PGM2: variants seen among roughly 807,000 people sequenced by gnomAD.
PGM2 encodes phosphoglucomutase 2.
In PGM2, 57 loss-of-function variants were observed where a neutral mutation model predicts 74.6. The observed-to-expected ratio is 0.76, with a 90% CI of 0.62 to 0.95. The LOEUF (loss-of-function observed/expected upper bound fraction) is 0.95, where lower values mean the gene tolerates loss of function less well. Ranked by LOEUF, PGM2 falls within the 40% of genes least tolerant of loss-of-function variation. The pLI, the probability that PGM2 is intolerant of heterozygous loss-of-function variation, is 0.00. For missense variants in PGM2, 706 were observed against 741.9 expected (o/e 0.95, Z 0.56); for synonymous variants, 273 against 260.7 (o/e 1.05, Z -0.46).
chr4:37,855,190 C>T (rs1330708062), intron 12 of PGM2, among the ~76,000 whole-genome samples: 4 of 152,076 alleles, frequency 2.6e-5, no homozygotes, highest in Non-Finnish European at 4.4e-5. Context: ...AAACTCCCCT[C>T]CCTTATCCCC....
At chr4:37,834,167 A>G (rs536057862) in intron 2 of PGM2, among the ~76,000 whole-genome samples, 4 of 152,092 alleles carry the variant, frequency 2.6e-5, no homozygotes, top group African/African-American at 7.2e-5. Context: ...CCCTGTCTCT[A>G]CAAAAAATTT....
intron 1 of PGM2, among the ~76,000 whole-genome samples, 166 bp downstream of exon 1, chr4:37,826,979 C>T (rs979409787): frequency 1.5e-4 from 23 of 152,276 alleles, no homozygotes; most frequent in African/African-American, 5.3e-4. Context: ...CTTCCTTCGA[C>T]CTGGCCGGCA....
rs1711819267 is a variant in PGM2, at chr4:37,862,698, C to T, written c.*1086C>T. On this transcript the variant is annotated 3_prime_UTR_variant, in exon 14 of 14. Coordinates refer to ENST00000381967, the MANE Select transcript of PGM2 (RefSeq NM_018290.4). ...AAGCAAATGATTGCCATTATGATTA[C>T]ACTCAACCTAAATAGTTATGAACAG... 6.6e-6 allele frequency: 1 copy of T among 152,012 alleles called. No individual in the cohort carries two copies. The highest frequency in any genetic ancestry group is 6.6e-5 in the Admixed American group (1 of 15,224). 9.4% of individuals were successfully genotyped at this position (152,012 alleles called of 1,614,324 possible).
chr4:37,841,852 G>A (rs1433634689), intron 6 of PGM2, among the ~76,000 whole-genome samples: 3 of 152,346 alleles, frequency 2.0e-5, no homozygotes, highest in South Asian at 2.1e-4. Flanking sequence ...GTGCATGCAC[G>A]TGCATGTGTG....
At position 37,855,540 on chromosome 4, in the gene PGM2, G is replaced by A. The variant is rs1007354196; in HGVS notation, c.1603-68G>A. The A allele has an allele frequency of 3.2e-5, 44 of 1,360,534 alleles. No individual in the cohort carries two copies. In the African/African-American group the frequency reaches 5.5e-4, roughly 17 times the overall value. The allele number at this position is 1,360,534 out of a possible 1,614,324, so 84.3% of individuals were successfully genotyped here. A position where few individuals can be genotyped will look rare whatever the true frequency, so the allele number is the denominator to read the frequency against. On this transcript the variant is annotated intron_variant, in intron 12 of 13. Transcript: ENST00000381967. The stretch of plus-strand genomic sequence containing the variant: ...GTTTGGCATTTATTTTCTTACTTAT[G>A]CAAGAGAAGATATTGGTTAGGCCAG...
chr4:37,833,121 A>G (rs562882456), intron 2 of PGM2, among the ~76,000 whole-genome samples: 1 of 152,298 alleles, frequency 6.6e-6, no homozygotes, highest in South Asian at 2.1e-4. Flanking sequence ...CACAAAACCA[A>G]TACACATGGC....
intron 1 of PGM2, 62 bp downstream of exon 1, chr4:37,826,875 G>A: frequency 1.9e-6 from 2 of 1,046,932 alleles, no homozygotes; most frequent in East Asian, 5.4e-5. Context: ...CCCTCTCCAG[G>A]CGCGGCGCTG....
At chr4:37,834,292 T>A (rs1307450807) in intron 2 of PGM2, among the ~76,000 whole-genome samples, 4 of 151,730 alleles carry the variant, frequency 2.6e-5, no homozygotes, top group Admixed American at 1.3e-4. Flanking sequence ...ACTATGATTG[T>A]GCCATTGCAA....
chr4:37,838,817 C>G (rs967363781), intron 4 of PGM2, among the ~76,000 whole-genome samples: 2 of 152,204 alleles, frequency 1.3e-5, no homozygotes, highest in African/African-American at 4.8e-5. Context: ...TCTGCCCACA[C>G]TGAGGAGTCG....
In PGM2 at chr4:37,862,228, C is replaced by G. The variant is rs1466125508; in HGVS notation, c.*616C>G. 2 of 152,130 alleles carry G rather than the reference C, an allele frequency of 1.3e-5. No individual in the cohort carries two copies. The highest frequency in any genetic ancestry group is 2.9e-5 in the Non-Finnish European group (2 of 68,018). 9.4% of individuals were successfully genotyped at this position (152,130 alleles called of 1,614,324 possible). A position where few individuals can be genotyped will look rare whatever the true frequency, so the allele number is the denominator to read the frequency against. ...GCACATAGGATATTAGTACATCGTACACGTGCTAGGAAAAAACAGCTTCAG... is the reference window on the plus strand; with the variant it reads ...GCACATAGGATATTAGTACATCGTAGACGTGCTAGGAAAAAACAGCTTCAG... On this transcript the variant is annotated 3_prime_UTR_variant, in exon 14 of 14. Transcript: ENST00000381967.
At chr4:37,841,863 T>C (rs867055684) in intron 6 of PGM2, among the ~76,000 whole-genome samples, 38 of 152,252 alleles carry the variant, frequency 2.5e-4, no homozygotes, top group African/African-American at 8.4e-4. Context: ...TGCATGTGTG[T>C]GCGCATGTGT....
chr4:37,846,105 G>A (rs1725862435), intron 8 of PGM2, among the ~76,000 whole-genome samples: 1 of 152,212 alleles, frequency 6.6e-6, no homozygotes, highest in Admixed American at 6.5e-5. Flanking sequence ...TTAGGAGGGA[G>A]CAGTACCTTC....
chr4:37,851,773 C>A (rs984311161), intron 12 of PGM2, among the ~76,000 whole-genome samples: 2 of 152,056 alleles, frequency 1.3e-5, no homozygotes, highest in Non-Finnish European at 2.9e-5. Context: ...AGTTCTTACG[C>A]TTTCTACATT....
Position 37,855,685 on chromosome 4 carries a change from T to G in PGM2, c.1680T>G (p.Ser560Arg). The G allele has an allele frequency of 6.2e-7, 1 of 1,614,122 alleles. No individual in the cohort carries two copies. Among genetic ancestry groups the G allele is most frequent in the Non-Finnish European group, 8.5e-7 (1 of 1,180,000 alleles). Residue 560 changes from serine (S) to arginine (R), a missense_variant, in exon 13 of 14, where the codon AGT (serine) becomes AGG (arginine). Physicochemically the swap from Ser to Arg is moderately radical, Grantham distance 110. Coordinates refer to ENST00000381967, the MANE Select transcript of PGM2 (RefSeq NM_018290.4). ...GAGGCGTGGCCACCATGCGCACCAG[T>G]GGGACAGAGCCCAAAATCAAGTACT... ...ANGGVATMRT[S>R]GTEPKIKYYA...
At chr4:37,845,923 G>T (rs75993159) in intron 8 of PGM2, among the ~76,000 whole-genome samples, 193 bp downstream of exon 8, 1 of 152,096 alleles carries the variant, frequency 6.6e-6, no homozygotes, top group South Asian at 2.1e-4. Context: ...GGGAGGTTAC[G>T]TGATTGGCAA....
At chr4:37,845,559 A>G in intron 7 of PGM2, 74 bp from the exon 8 acceptor site, 2 of 1,012,016 alleles carry the variant, frequency 2.0e-6, no homozygotes, top group Non-Finnish European at 3.1e-6. Flanking sequence ...TTCTTAAGGA[A>G]CTGAATGTTT....
Position 37,826,702 on chromosome 4 carries a change from T to C in PGM2, c.-31T>C. On this transcript the variant is annotated 5_prime_UTR_variant, in exon 1 of 14. Coordinates refer to ENST00000381967, the MANE Select transcript of PGM2 (RefSeq NM_018290.4). ...CCGGAAGGCAGATCTCACCGCCTGC[T>C]TCCCTCTGCAGCGGTAGCACAAGCT... The C allele has an allele frequency of 6.6e-7, 1 of 1,524,446 alleles. No homozygotes were observed. Among genetic ancestry groups the C allele is most frequent in the Non-Finnish European group, 8.9e-7 (1 of 1,123,386 alleles). The allele number at this position is 1,524,446 out of a possible 1,614,324, so 94.4% of individuals were successfully genotyped here.
chr4:37,828,012 AAAG>A (rs1481167977), intron 1 of PGM2, among the ~76,000 whole-genome samples: 1 of 152,226 alleles, frequency 6.6e-6, no homozygotes, highest in African/African-American at 2.4e-5. Context: ...TTGAATGAAC[AAAG>A]AAGATTACAA....
chr4:37,847,654 G>A (rs1725912904), intron 10 of PGM2, among the ~76,000 whole-genome samples: 1 of 152,148 alleles, frequency 6.6e-6, no homozygotes, highest in African/African-American at 2.4e-5. Context: ...CTCCAAAAGT[G>A]CTAATGAGGA....
Sources: allele counts gnomAD v4.1 joint callset (sites outside exome capture counted in the v4.1 genomes callset), GRCh38; gene constraint gnomAD v4.1.1; transcripts MANE v1.5; gene names NCBI Gene and HGNC (gene_info 2026-07-23, HGNC 2026-07-21).